The following COL7A1 variants were observed in gnomAD, a reference collection of about 807,000 sequenced individuals.
COL7A1 encodes collagen alpha-1(VII) chain.
A neutral mutation model predicts 456.2 loss-of-function variants in COL7A1; 296 were observed. The observed-to-expected ratio is 0.65, with a 90% confidence interval of 0.59 to 0.71. The LOEUF is 0.71. Ranked by LOEUF, COL7A1 falls within the 30% of genes least tolerant of loss-of-function variation. The probability of loss-of-function intolerance (pLI) is 0.00; values close to 1 mark genes in which losing one functional copy is unlikely to be tolerated. For synonymous variants in COL7A1, 1,464 were observed against 1,525.9 expected, an observed-to-expected ratio of 0.96 and a Z score of 0.95; for missense variants, 3,441 against 4,017.2, an observed-to-expected ratio of 0.86 and a Z score of 3.88.
At position 48,583,105 on chromosome 3, in the gene COL7A1, G is replaced by T. The variant is rs2044897191; in HGVS notation, c.4482+22C>A. On this transcript the variant is annotated intron_variant, in intron 43 of 118. Transcript: ENST00000681320. The surrounding 1 kb of genome is among the most constrained non-coding windows in gnomAD (Gnocchi z 5.1). ...GGGCCCAGATCCTCCAGGGCCCTTG[G>T]CACCCCCCAGGTTGCACTTACCTTC... is the stretch of plus-strand genomic sequence containing the variant. The T allele has an allele frequency of 6.2e-7, 1 of 1,613,966 alleles. No homozygotes were observed. Among genetic ancestry groups the T allele is most frequent in the Non-Finnish European group, 8.5e-7 (1 of 1,179,978 alleles).
At chr3:48,576,800 C>G (rs538476964) in intron 67 of COL7A1, 29 bp from the exon 68 acceptor site, 2 of 1,613,858 alleles carry the variant, frequency 1.2e-6, no homozygotes, top group East Asian at 2.2e-5. Context: ...GCATCAGCAC[C>G]CTGAGACCTC....
In COL7A1 at chr3:48,579,857, G is replaced by C. The variant is rs372556552; in HGVS notation, c.5125-43C>G. 28 of 1,613,902 alleles carry C rather than the reference G, an allele frequency of 1.7e-5. No homozygotes were observed. The African/African-American group carries it at 3.3e-4, about 19-fold the overall frequency. The stretch of plus-strand genomic sequence containing the variant: ...AGTGAGAAGAATGGCTCAACAAGGG[G>C]AAGAGGAGTTGGCGAGGGGATACAG... On this transcript the variant is annotated intron_variant, in intron 57 of 118. Transcript: ENST00000681320. This position sits in a 1 kb window ranked among gnomAD's most constrained non-coding sequence, Gnocchi z 4.4.
Position 48,575,823 on chromosome 3 carries a change from A to C in COL7A1, c.5856+44T>G. 6.2e-7 allele frequency: 1 copy of C among 1,613,978 alleles called. No individual in the cohort carries two copies. The highest frequency in any genetic ancestry group is 8.5e-7 in the Non-Finnish European group (1 of 1,179,982). On this transcript the variant is annotated intron_variant, in intron 72 of 118. Transcript: ENST00000681320. This position sits in a 1 kb window ranked among gnomAD's most constrained non-coding sequence, Gnocchi z 6.3. ...TATGCCTGTGGGCACCACTAGCCCC[A>C]AGGGCCCCCACTTGTCCCTACCCCC... is the stretch of plus-strand genomic sequence containing the variant.
Position 48,590,615 on chromosome 3 carries a change from G to T in COL7A1, c.1781-31C>A. 6.2e-7 allele frequency: 1 copy of T among 1,614,064 alleles called. No individual in the cohort carries two copies. On this transcript the variant is annotated intron_variant, in intron 14 of 118. Coordinates refer to ENST00000681320, the MANE Select transcript of COL7A1 (RefSeq NM_000094.4). The surrounding 1 kb of genome is among the most constrained non-coding windows in gnomAD (Gnocchi z 4.6). ...AGTTACAGACAGAAGTCAGAAGTCA[G>T]AACCAGGACCAGAGTGAGGCAGGCA... is the stretch of plus-strand genomic sequence containing the variant.
At position 48,564,766 on chromosome 3, in the gene COL7A1, G is replaced by C. The variant is rs770156601; in HGVS notation, c.8818+17C>G. The C allele has an allele frequency of 1.2e-5, 20 of 1,610,360 alleles. No homozygotes were observed. The East Asian group carries it at 2.7e-4, about 22-fold the overall frequency. ...GGCTCAGTGCCCAGTTCCCCACGGT[G>C]GGGGCTCAGCCCATACCTGTCCCCT... is the stretch of plus-strand genomic sequence containing the variant. On this transcript the variant is annotated intron_variant, in intron 118 of 118. Coordinates refer to ENST00000681320, the MANE Select transcript of COL7A1 (RefSeq NM_000094.4). The surrounding 1 kb of genome is among the most constrained non-coding windows in gnomAD (Gnocchi z 6.0).
chr3:48,594,757 G>A lies in COL7A1; in HGVS notation c.86-209C>T, dbSNP rs943414827. On this transcript the variant is annotated intron_variant, in intron 2 of 118. Transcript: ENST00000681320. This position sits in a 1 kb window ranked among gnomAD's most constrained non-coding sequence, Gnocchi z 5.5. ...CTCCCGCGGAGGGTTGGGGGTGTGC[G>A]GGGGAGGGAGAGTCGCCAGCACGGG... 6.6e-6 allele frequency among the ~76,000 whole-genome samples: 1 copy of A among 152,106 alleles called. No homozygotes were observed. The highest frequency in any genetic ancestry group is 2.4e-5 in the African/African-American group (1 of 41,420).
In COL7A1 at chr3:48,575,198, G is replaced by A. The variant is rs200855943; in HGVS notation, c.6216+9C>T. On this transcript the variant is annotated intron_variant, in intron 75 of 118. Coordinates refer to ENST00000681320, the MANE Select transcript of COL7A1 (RefSeq NM_000094.4). The surrounding 1 kb of genome is among the most constrained non-coding windows in gnomAD (Gnocchi z 6.3). ...GACAGCCTGCCCCACGAAGCCCATC[G>A]CAGCCCACCTGTTCTCCACGTTCTC... is the stretch of plus-strand genomic sequence containing the variant. 42 of 1,614,010 alleles carry A rather than the reference G, an allele frequency of 2.6e-5. No individual in the cohort carries two copies. The highest frequency in any genetic ancestry group is 4.0e-5 in the African/African-American group (3 of 75,000).
Position 48,586,211 on chromosome 3 carries a change from C to T in COL7A1, c.3586G>A (p.Asp1196Asn), listed in dbSNP as rs1417574149. 6.2e-7 allele frequency: 1 copy of T among 1,613,524 alleles called. No individual in the cohort carries two copies. Among genetic ancestry groups the T allele is most frequent in the East Asian group, 2.2e-5 (1 of 44,878 alleles). The change falls in exon 28 of 119, where the codon GAC becomes AAC. Residue 1196 changes from aspartate (D) to asparagine (N), a missense_variant. This residue lies in a region of COL7A1 where 2,084 missense variants were observed against 2,501.3 expected (regional missense o/e 0.83). Coordinates refer to ENST00000681320, the MANE Select transcript of COL7A1 (RefSeq NM_000094.4). This position sits in a 1 kb window ranked among gnomAD's most constrained non-coding sequence, Gnocchi z 5.1. ...NVVMLGMAGA[D>N]PEQLRRLAPG... ...GCCAAGCGACGCAGCTGCTCTGGGT[C>T]CGCTCCAGCCATTCCCAACATCACC...
In COL7A1 at chr3:48,582,345, C is replaced by G. The variant is rs2229824; in HGVS notation, c.4613G>C (p.Arg1538Pro). 1.2e-6 allele frequency: 2 copies of G among 1,613,876 alleles called. No individual in the cohort carries two copies. Among genetic ancestry groups the G allele is most frequent in the South Asian group, 2.2e-5 (2 of 91,088 alleles). ...GRQGEKGEPG[R>P]PGDPAVVGPA... ...CACCACCACTGCAGGGTCCCCAGGGCGACCAGGCTCCCCCTGTGGAGAGAG... is the reference window on the plus strand; with the variant it reads ...CACCACCACTGCAGGGTCCCCAGGGGGACCAGGCTCCCCCTGTGGAGAGAG... Residue 1538 changes from arginine to proline, a missense_variant, in exon 47 of 119, where the codon CGC (arginine) becomes CCC (proline). Physicochemically the swap from Arg to Pro is moderately radical, Grantham distance 103. Transcript: ENST00000681320.
rs1414691434 is a variant in COL7A1, at chr3:48,585,124, G to A, written c.3895-8C>T. ...ATCTGCTCCAGGGAAGCCCTGAGGA[G>A]GTGAAGAGGTCAGGACAGGAAGGGA... On this transcript the variant is annotated splice_region_variant and splice_polypyrimidine_tract_variant and intron_variant, in intron 32 of 118. Coordinates refer to ENST00000681320, the MANE Select transcript of COL7A1 (RefSeq NM_000094.4). This position sits in a 1 kb window ranked among gnomAD's most constrained non-coding sequence, Gnocchi z 4.5. 1 of 1,610,732 alleles carries A rather than the reference G, an allele frequency of 6.2e-7. No individual in the cohort carries two copies. The highest frequency in any genetic ancestry group is 1.1e-5 in the South Asian group (1 of 90,974).
At position 48,567,343 on chromosome 3, in the gene COL7A1, C is replaced by T. The variant is rs2043651884; in HGVS notation, c.8047-153G>A. ...CCAGATGTGATCCCCATGACTCCAA[C>T]TCCACTATAGCCCCCTGCCCTGATG... On this transcript the variant is annotated intron_variant, in intron 109 of 118. Coordinates refer to ENST00000681320, the MANE Select transcript of COL7A1 (RefSeq NM_000094.4). The surrounding 1 kb of genome is among the most constrained non-coding windows in gnomAD (Gnocchi z 4.3). The T allele has an allele frequency of 2.9e-6, 3 of 1,025,810 alleles. No individual in the cohort carries two copies. Among genetic ancestry groups the T allele is most frequent in the African/African-American group, 1.6e-5 (1 of 62,988 alleles). 63.5% of individuals were successfully genotyped at this position (1,025,810 alleles called of 1,614,324 possible). A position where few individuals can be genotyped will look rare whatever the true frequency, so the allele number is the denominator to read the frequency against.
chr3:48,582,708 C>G (rs1275213997), intron 44 of COL7A1, 55 bp from the exon 45 acceptor site: 1 of 1,589,158 alleles, frequency 6.3e-7, no homozygotes, highest in East Asian at 2.2e-5. Context: ...GGGATATGGA[C>G]AGACAGGGCT....
At chr3:48,576,464 A>G (rs2107680628) in intron 69 of COL7A1, 29 bp from the exon 70 acceptor site, 1 of 1,613,094 alleles carries the variant, frequency 6.2e-7, no homozygotes, top group Non-Finnish European at 8.5e-7. Flanking sequence ...AGGTGGGGAA[A>G]TGGCCCCCAG....
chr3:48,575,748 C>A lies in COL7A1; in HGVS notation c.5857G>T (p.Ala1953Ser). 6.2e-7 allele frequency: 1 copy of A among 1,614,040 alleles called. No homozygotes were observed. The highest frequency in any genetic ancestry group is 8.5e-7 in the Non-Finnish European group (1 of 1,180,018). The stretch of plus-strand genomic sequence containing the variant: ...TCCACGATCTCCCGCAGGGCAGATG[C>A]CTGAGGGACAGCAAGAGGTCAGAGG... ...DRLLETAGIK[A>S]SALREIVETW... Residue 1953 changes from alanine to serine, a missense_variant and splice_region_variant, in exon 73 of 119, where the codon GCA becomes TCA. By Grantham distance (99) the Ala-to-Ser change is moderately conservative. This residue lies in a region of COL7A1 where 2,084 missense variants were observed against 2,501.3 expected (regional missense o/e 0.83). Transcript: ENST00000681320. This position sits in a 1 kb window ranked among gnomAD's most constrained non-coding sequence, Gnocchi z 6.3.
chr3:48,585,331 C>T lies in COL7A1; in HGVS notation c.3895-215G>A, dbSNP rs1408954280. Among the ~76,000 whole-genome samples, 2 of 152,202 alleles carry T rather than the reference C, an allele frequency of 1.3e-5. No individual in the cohort carries two copies. Among genetic ancestry groups the T allele is most frequent in the African/African-American group, 2.4e-5 (1 of 41,446 alleles). Reference sequence around the variant, plus strand: ...GCGACAAGGCAGAGGGCTTCCCTGCCTCTGGGACTTGGAGCTGCTGCTCAG... The same window carrying T: ...GCGACAAGGCAGAGGGCTTCCCTGCTTCTGGGACTTGGAGCTGCTGCTCAG... On this transcript the variant is annotated intron_variant, in intron 32 of 118. Coordinates refer to ENST00000681320, the MANE Select transcript of COL7A1 (RefSeq NM_000094.4). This position sits in a 1 kb window ranked among gnomAD's most constrained non-coding sequence, Gnocchi z 4.5.
rs2045172796 is a variant in COL7A1, at chr3:48,585,473, T to C, written c.3894+84A>G. On this transcript the variant is annotated intron_variant, in intron 32 of 118. Coordinates refer to ENST00000681320, the MANE Select transcript of COL7A1 (RefSeq NM_000094.4). This position sits in a 1 kb window ranked among gnomAD's most constrained non-coding sequence, Gnocchi z 4.5. ...TCTAGGAATTCCCGATGATTCTAAC[T>C]CTGCTTCTTCCTTCTCTCTTGTAAA... is the stretch of plus-strand genomic sequence containing the variant. The C allele has an allele frequency of 6.9e-7, 1 of 1,456,364 alleles. No individual in the cohort carries two copies. Among genetic ancestry groups the C allele is most frequent in the Non-Finnish European group, 9.6e-7 (1 of 1,040,146 alleles). 90.2% of individuals were successfully genotyped at this position (1,456,364 alleles called of 1,614,324 possible).
In COL7A1 at chr3:48,588,342, T is replaced by C; in HGVS notation, c.2650A>G (p.Arg884Gly). 6.2e-7 allele frequency: 1 copy of C among 1,612,712 alleles called. No individual in the cohort carries two copies. Among genetic ancestry groups the C allele is most frequent in the Non-Finnish European group, 8.5e-7 (1 of 1,179,980 alleles). ...CTGGGCACCGGCTCCCAGCGCAGCC[T>C]CAGCGAGTGCTCCCCGCGCTGCACC... is the stretch of plus-strand genomic sequence containing the variant. Reference protein sequence around the residue: ...HVVQRGEHSLRLRWEPVPRAQ... With the variant: ...HVVQRGEHSLGLRWEPVPRAQ... The change falls in exon 21 of 119, where the codon AGG (arginine) becomes GGG (glycine). Residue 884 changes from arginine (R) to glycine (G), a missense_variant. Transcript: ENST00000681320. The surrounding 1 kb of genome is among the most constrained non-coding windows in gnomAD (Gnocchi z 4.6).
chr3:48,590,780 G>T lies in COL7A1; in HGVS notation c.1673C>A (p.Thr558Lys), dbSNP rs372925457. The change falls in exon 14 of 119, where the codon ACA becomes AAA. Residue 558 changes from threonine (T) to lysine (K), a missense_variant. Physicochemically the swap from Thr to Lys is moderately conservative, Grantham distance 78. Coordinates refer to ENST00000681320, the MANE Select transcript of COL7A1 (RefSeq NM_000094.4). The surrounding 1 kb of genome is among the most constrained non-coding windows in gnomAD (Gnocchi z 4.6). Reference sequence around the variant, plus strand: ...CTGAACGTCATCCAAGTCGAATGCTGTCTGACTCCCAGGAAGCACCAGGGT... The same window carrying T: ...CTGAACGTCATCCAAGTCGAATGCTTTCTGACTCCCAGGAAGCACCAGGGT... ...ERTLVLPGSQ[T>K]AFDLDDVQAG... 8.1e-6 allele frequency: 13 copies of T among 1,613,786 alleles called. No homozygotes were observed. The African/African-American group carries it at 1.7e-4, about 22-fold the overall frequency.
rs762167271 is a variant in COL7A1 at position 48,565,440 on chromosome 3, C to T, written c.8497G>A (p.Val2833Met). 6.2e-7 allele frequency: 1 copy of T among 1,612,898 alleles called. No individual in the cohort carries two copies. Among genetic ancestry groups the T allele is most frequent in the South Asian group, 1.1e-5 (1 of 90,808 alleles). The stretch of plus-strand genomic sequence containing the variant: ...TCCTCTGCATGAGAGACGCGGAGCA[C>T]AGGCACAGCATGGAGCTGGGAGCCG... Reference protein sequence around the residue: ...TAGSQLHAVPVLRVSHAEEEE... With the variant: ...TAGSQLHAVPMLRVSHAEEEE... Residue 2833 changes from valine to methionine, a missense_variant, in exon 116 of 119, where the codon GTG (valine) becomes ATG (methionine). This residue lies in a region of COL7A1 where 2,084 missense variants were observed against 2,501.3 expected (regional missense o/e 0.83). Transcript: ENST00000681320. This position sits in a 1 kb window ranked among gnomAD's most constrained non-coding sequence, Gnocchi z 4.5.
Sources: gnomAD v4.1 joint callset for allele counts (sites outside exome capture counted in the v4.1 genomes callset) on GRCh38, gnomAD v4.1.1 for gene constraint, gnomAD v4.1.1 regional missense constraint, Gnocchi (gnomAD v3.1) non-coding constraint, MANE v1.5 for transcripts, NCBI Gene and HGNC (gene_info 2026-07-23, HGNC 2026-07-21) for gene names.